SNTG2: variants seen among roughly 807,000 people sequenced by gnomAD.
The protein encoded by SNTG2 is syntrophin gamma 2, also known as gamma-2-syntrophin.
Under a neutral mutation model 70.9 loss-of-function variants are expected in SNTG2, and 74 were observed. That is an observed-to-expected ratio of 1.04 (90% CI 0.86 to 1.27). SNTG2 has a LOEUF of 1.27. Ranked by LOEUF, SNTG2 falls within the 50% of genes most tolerant of loss-of-function variation. SNTG2 has a pLI of 0.00. For missense variants in SNTG2, 717 were observed against 690.7 expected, an observed-to-expected ratio of 1.04 and a Z score of -0.43; for synonymous variants, 278 against 273.8, an observed-to-expected ratio of 1.02 and a Z score of -0.15.
intron 1 of SNTG2, among the ~76,000 whole-genome samples, chr2:1,034,380 GT>G (rs560989706): frequency 9.3e-4 from 142 of 152,292 alleles, no homozygotes; most frequent in African/African-American, 3.2e-3. Flanking sequence ...TTGATTCCAT[GT>G]CTTTGTTATT....
At chr2:1,174,687 A>C (rs973300700) in intron 8 of SNTG2, among the ~76,000 whole-genome samples, 3 of 152,212 alleles carry the variant, frequency 2.0e-5, no homozygotes, top group African/African-American at 7.2e-5. Context: ...CAGCCTCTCC[A>C]GTGCTAGGTA....
intron 14 of SNTG2, among the ~76,000 whole-genome samples, chr2:1,299,037 A>G (rs1262550552): frequency 6.6e-6 from 1 of 152,134 alleles, no homozygotes; most frequent in African/African-American, 2.4e-5. Context: ...GTGATTGTGT[A>G]AGTTAATATT....
At chr2:1,243,461 C>T (rs1677179841) in intron 11 of SNTG2, among the ~76,000 whole-genome samples, 1 of 152,118 alleles carries the variant, frequency 6.6e-6, no homozygotes, top group Admixed American at 6.5e-5. Flanking sequence ...ATCAAGTTCT[C>T]CTCCAAAAAG....
chr2:1,101,899 C>T (rs1268138045), intron 4 of SNTG2, among the ~76,000 whole-genome samples: 2 of 152,130 alleles, frequency 1.3e-5, no homozygotes, highest in Non-Finnish European at 1.5e-5. Flanking sequence ...CCAGGTAGCC[C>T]GAGGCTTCAC....
chr2:1,213,812 T>C (rs1237966878), intron 9 of SNTG2, among the ~76,000 whole-genome samples: 1 of 152,258 alleles, frequency 6.6e-6, no homozygotes, highest in Non-Finnish European at 1.5e-5. Context: ...TTTTGGGTCA[T>C]ATTCAAGAAA....
At chr2:1,303,292 G>A (rs368378210) in intron 14 of SNTG2, among the ~76,000 whole-genome samples, 2 of 152,132 alleles carry the variant, frequency 1.3e-5, no homozygotes, top group Non-Finnish European at 2.9e-5. Context: ...AATATACAAA[G>A]AATGTTAATT....
chr2:1,306,274 G>A (rs1040981791), intron 14 of SNTG2, among the ~76,000 whole-genome samples: 9 of 152,050 alleles, frequency 5.9e-5, no homozygotes, highest in Non-Finnish European at 1.0e-4. Context: ...CTGGATCCCC[G>A]TTTATCCTGG....
intron 7 of SNTG2, among the ~76,000 whole-genome samples, 193 bp from the exon 8 acceptor site, chr2:1,172,899 C>T (rs1466794513): frequency 6.6e-6 from 1 of 152,156 alleles, no homozygotes; most frequent in Non-Finnish European, 1.5e-5. Context: ...AACCTGAGGT[C>T]AGATCTTGGT....
intron 14 of SNTG2, among the ~76,000 whole-genome samples, chr2:1,295,954 T>C (rs1247456572): frequency 5.2e-4 from 60 of 115,128 alleles, no homozygotes; most frequent in South Asian, 1.5e-3. Flanking sequence ...TCGATGGCTT[T>C]CACTGTAGAA....
intron 6 of SNTG2, among the ~76,000 whole-genome samples, chr2:1,151,559 C>T (rs371252610): frequency 2.6e-4 from 40 of 152,294 alleles, no homozygotes; most frequent in East Asian, 2.5e-3. Context: ...TGCCCACGTG[C>T]GCCCCTTGCT....
intron 1 of SNTG2, among the ~76,000 whole-genome samples, chr2:1,033,512 C>T (rs764836574): frequency 7.8e-5 from 11 of 141,092 alleles, no homozygotes; most frequent in South Asian, 6.5e-4. Context: ...GCTGTGGAGA[C>T]GGGGATGGAA....
intron 2 of SNTG2, among the ~76,000 whole-genome samples, chr2:1,086,524 CA>C (rs1664696681): frequency 6.6e-6 from 1 of 152,196 alleles, no homozygotes; most frequent in South Asian, 2.1e-4. Flanking sequence ...TAGAAACCAC[CA>C]GCAGAAAATG....
intron 9 of SNTG2, among the ~76,000 whole-genome samples, chr2:1,226,147 A>G (rs989310019): frequency 6.6e-6 from 1 of 152,202 alleles, no homozygotes; most frequent in Admixed American, 6.5e-5. Flanking sequence ...ATAACCATTG[A>G]TTTTGATTCC....
At chr2:993,887 T>C (rs1237821087) in intron 1 of SNTG2, among the ~76,000 whole-genome samples, 1 of 152,190 alleles carries the variant, frequency 6.6e-6, no homozygotes, top group African/African-American at 2.4e-5. Flanking sequence ...AATAATTTTA[T>C]GTTCTGGATA....
chr2:1,224,788 C>T (rs1049570264), intron 9 of SNTG2, among the ~76,000 whole-genome samples: 6 of 152,204 alleles, frequency 3.9e-5, no homozygotes, highest in Non-Finnish European at 8.8e-5. Flanking sequence ...TGAATCGGGG[C>T]TCGCCTCACT....
intron 9 of SNTG2, among the ~76,000 whole-genome samples, chr2:1,222,073 G>GTCTCTC (rs1322824210): frequency 2.2e-4 from 1 of 4,638 alleles, no homozygotes. Flanking sequence ...GTTTCTCTCT[G>GTCTCTC]TCTCTGTCTC....
intron 9 of SNTG2, among the ~76,000 whole-genome samples, chr2:1,211,171 G>A (rs970999952): frequency 3.3e-5 from 5 of 152,192 alleles, no homozygotes; most frequent in Admixed American, 2.6e-4. Flanking sequence ...TTTAAAGTGT[G>A]TGCTTGTGGC....
At chr2:1,234,377 G>A (rs1041039064) in intron 9 of SNTG2, among the ~76,000 whole-genome samples, 3 of 152,178 alleles carry the variant, frequency 2.0e-5, no homozygotes, top group Non-Finnish European at 4.4e-5. Context: ...AACTTTCACA[G>A]TTTCTGTTCA....
At chr2:1,250,037 C>T (rs1423730698) in intron 12 of SNTG2, among the ~76,000 whole-genome samples, 1 of 152,148 alleles carries the variant, frequency 6.6e-6, no homozygotes, top group Non-Finnish European at 1.5e-5. Flanking sequence ...ACCAGCCGTG[C>T]GTGCCGGGAA....
Sources: gnomAD v4.1 joint callset for allele counts (sites outside exome capture counted in the v4.1 genomes callset) on GRCh38, gnomAD v4.1.1 for gene constraint, MANE v1.5 for transcripts, NCBI Gene and HGNC (gene_info 2026-07-23, HGNC 2026-07-21) for gene names.